LPIN1: variants seen among roughly 807,000 people sequenced by gnomAD.
LPIN1 encodes the protein lipin 1.
A neutral mutation model predicts 107.5 loss-of-function variants in LPIN1; 71 were observed. That is an observed-to-expected ratio of 0.66 (90% CI 0.55 to 0.80). The LOEUF (loss-of-function observed/expected upper bound fraction) is 0.80, where lower values mean the gene tolerates loss of function less well. LPIN1 is among the 30% of genes least tolerant of loss of function. The pLI, the probability that LPIN1 is intolerant of heterozygous loss-of-function variation, is 0.00. For missense variants in LPIN1, 1,043 were observed against 1,160.6 expected, an observed-to-expected ratio of 0.90 and a Z score of 1.47; for synonymous variants, 445 against 452.6, an observed-to-expected ratio of 0.98 and a Z score of 0.21.
upstream of LPIN1, among the ~76,000 whole-genome samples, chr2:11,722,974 C>A (rs1418774240): frequency 1.3e-5 from 2 of 152,188 alleles, no homozygotes; most frequent in Admixed American, 1.3e-4. Context: ...GTTACTAGAA[C>A]CTACTACCCT....
chr2:11,724,667 G>C lies in LPIN1; in HGVS notation c.-72+128G>C, dbSNP rs1320380395. On this transcript the variant is annotated intron_variant, in intron 1 of 21. Coordinates refer to the LPIN1 transcript ENST00000396097. Reference sequence around the variant, plus strand: ...GGTAAAGGGCAGGCAGGGAGGGTGGGGAATCACGATGCTTCCAGAGCTTCC... The same window carrying C: ...GGTAAAGGGCAGGCAGGGAGGGTGGCGAATCACGATGCTTCCAGAGCTTCC... 5 of 984,040 alleles carry C rather than the reference G, an allele frequency of 5.1e-6. No homozygotes were observed. The East Asian group carries it at 5.7e-4, about 112-fold the overall frequency. 61.0% of individuals were successfully genotyped at this position (984,040 alleles called of 1,614,324 possible).
chr2:11,749,774 C>T lies in LPIN1; in HGVS notation c.-10+3103C>T, dbSNP rs571198510. Among the ~76,000 whole-genome samples the T allele has an allele frequency of 6.6e-5, 10 of 152,344 alleles. No homozygotes were observed. In the East Asian group the frequency reaches 1.9e-3, roughly 29 times the overall value. ...AGGAACCAGATGGACTGGGCTCCAT[C>T]AGGAGAGAAGCCAGAAGCATTTTCA... On this transcript the variant is annotated intron_variant, in intron 1 of 20. Transcript: ENST00000674199.
chr2:11,750,604 A>G (rs1249474129), intron 1 of LPIN1, among the ~76,000 whole-genome samples: 1 of 152,224 alleles, frequency 6.6e-6, no homozygotes, highest in Non-Finnish European at 1.5e-5. Flanking sequence ...TGTGCTTTGA[A>G]AAGTACTTTA....
chr2:11,754,058 G>A lies in LPIN1; in HGVS notation c.-10+7387G>A, dbSNP rs1271247198. Among the ~76,000 whole-genome samples, 5 of 152,110 alleles carry A rather than the reference G, an allele frequency of 3.3e-5. No homozygotes were observed. In the East Asian group the frequency reaches 5.8e-4, roughly 18 times the overall value. On this transcript the variant is annotated intron_variant, in intron 1 of 20. Coordinates refer to ENST00000674199, the MANE Select transcript of LPIN1 (RefSeq NM_001349206.2). The stretch of plus-strand genomic sequence containing the variant: ...GCAGTGAGCAGGAAGCCCCAAAATC[G>A]TCCCTGTCAAGCCCAGCTGGGGAGC...
chr2:11,746,114 AG>A (rs1666877550), upstream of LPIN1: 1 of 152,628 alleles, frequency 6.6e-6, no homozygotes, highest in Non-Finnish European at 1.5e-5. Context: ...GATGAAGGAC[AG>A]GGGTGGCCCG....
intron 1 of LPIN1, among the ~76,000 whole-genome samples, chr2:11,709,304 T>G (rs541598314): frequency 5.9e-5 from 9 of 152,342 alleles, no homozygotes; most frequent in African/African-American, 2.2e-4. Flanking sequence ...AGATGCAGAA[T>G]TTTGGAGATG....
intron 1 of LPIN1, among the ~76,000 whole-genome samples, chr2:11,704,394 G>A (rs777946630): frequency 2.6e-5 from 4 of 152,170 alleles, no homozygotes; most frequent in African/African-American, 7.2e-5. Flanking sequence ...GGCCCCACCC[G>A]GGGGAGGCAG....
rs187579424 is a variant in LPIN1 at position 11,803,802 on chromosome 2, G to T, written c.2014-621G>T. Among the ~76,000 whole-genome samples the T allele has an allele frequency of 9.2e-5, 14 of 152,304 alleles. No individual in the cohort carries two copies. The East Asian group carries it at 2.5e-3, about 27-fold the overall frequency. Reference sequence around the variant, plus strand: ...GGGGGTCTGAATGGCCAGCTGGTGTGCACCAGGAGTCCTGGCACAGAGACT... The same window carrying T: ...GGGGGTCTGAATGGCCAGCTGGTGTTCACCAGGAGTCCTGGCACAGAGACT... On this transcript the variant is annotated intron_variant, in intron 15 of 20. Coordinates refer to ENST00000674199, the MANE Select transcript of LPIN1 (RefSeq NM_001349206.2). This position sits in a 1 kb window ranked among gnomAD's most constrained non-coding sequence, Gnocchi z 4.2.
At chr2:11,725,901 T>C (rs1051124202) in intron 1 of LPIN1, among the ~76,000 whole-genome samples, 2 of 152,310 alleles carry the variant, frequency 1.3e-5, no homozygotes, top group Non-Finnish European at 2.9e-5. Flanking sequence ...AAGAAGGACA[T>C]TTAAGAGATA....
intron 17 of LPIN1, among the ~76,000 whole-genome samples, chr2:11,814,878 G>A (rs569786169): frequency 2.6e-5 from 4 of 152,282 alleles, no homozygotes; most frequent in African/African-American, 9.6e-5. Flanking sequence ...AAACAAAGTG[G>A]GGAATGCAAA....
At chr2:11,760,175 A>G (rs978380956) in intron 1 of LPIN1, among the ~76,000 whole-genome samples, 46 of 149,188 alleles carry the variant, frequency 3.1e-4, no homozygotes, top group Admixed American at 2.0e-3. Context: ...GGCCGGGAAG[A>G]GGCACTCCTC....
chr2:11,805,708 C>A (rs1289628990), intron 17 of LPIN1, among the ~76,000 whole-genome samples: 1 of 152,214 alleles, frequency 6.6e-6, no homozygotes, highest in Admixed American at 6.5e-5. Context: ...TCCGACTGCT[C>A]TCCTGTGCTG....
chr2:11,801,520 G>A lies in LPIN1; in HGVS notation c.1887-1387G>A, dbSNP rs113712288. On this transcript the variant is annotated intron_variant, in intron 14 of 20. Coordinates refer to ENST00000674199, the MANE Select transcript of LPIN1 (RefSeq NM_001349206.2). Reference sequence around the variant, plus strand: ...CCAGGCACAGAAAGACAAATATCACGTGTTCTTACTCATATGTGGGAGCTA... The same window carrying A: ...CCAGGCACAGAAAGACAAATATCACATGTTCTTACTCATATGTGGGAGCTA... Among the ~76,000 whole-genome samples the A allele has an allele frequency of 5.1e-3, 781 of 152,272 alleles. 10 individuals carry two copies. The highest frequency in any genetic ancestry group is 0.017 in the African/African-American group (718 of 41,544).
chr2:11,754,495 G>A (rs1180297179), intron 1 of LPIN1, among the ~76,000 whole-genome samples: 1 of 152,220 alleles, frequency 6.6e-6, no homozygotes, highest in Non-Finnish European at 1.5e-5. Flanking sequence ...TTGTAGGGAA[G>A]GTTTTGAACA....
chr2:11,788,324 C>A, intron 11 of LPIN1, 63 bp from the exon 12 acceptor site: 1 of 1,277,208 alleles, frequency 7.8e-7, no homozygotes, highest in Non-Finnish European at 1.1e-6. Context: ...CTTTATATGA[C>A]ATTGGAAAGG....
chr2:11,698,389 G>T (rs1662693785), intron 1 of LPIN1, among the ~76,000 whole-genome samples: 1 of 152,186 alleles, frequency 6.6e-6, no homozygotes, highest in African/African-American at 2.4e-5. Context: ...TCTGTGACTG[G>T]CTGCCACGTC....
intron 20 of LPIN1, among the ~76,000 whole-genome samples, chr2:11,820,798 CAA>C (rs1681381345): frequency 6.6e-6 from 1 of 152,090 alleles, no homozygotes; most frequent in Admixed American, 6.5e-5. Flanking sequence ...TTAGATTTGC[CAA>C]GTTAGGTTTG....
In LPIN1 at chr2:11,825,160, G is replaced by A. The variant is rs191051281; in HGVS notation, c.*369G>A. 4.3e-4 allele frequency: 142 copies of A among 328,228 alleles called. No individual in the cohort carries two copies. The highest frequency in any genetic ancestry group is 2.6e-3 in the African/African-American group (123 of 47,098). The allele number at this position is 328,228 out of a possible 1,614,324, so 20.3% of individuals were successfully genotyped here. ...AGGCGGCTGTCTGAGGGCTGTCCCC[G>A]CCTAGGACAGGGTCAATCGAGGAAT... On this transcript the variant is annotated 3_prime_UTR_variant, in exon 21 of 21. Transcript: ENST00000674199. The surrounding 1 kb of genome is among the most constrained non-coding windows in gnomAD (Gnocchi z 4.1).
intron 17 of LPIN1, among the ~76,000 whole-genome samples, chr2:11,808,148 C>T (rs1313135730): frequency 2.0e-5 from 3 of 152,218 alleles, no homozygotes; most frequent in East Asian, 3.9e-4. Context: ...GCTCTGGTCT[C>T]TTCCCCGTCC....
Sources: allele counts gnomAD v4.1 joint callset (sites outside exome capture counted in the v4.1 genomes callset), GRCh38; gene constraint gnomAD v4.1.1; non-coding constraint Gnocchi (gnomAD v3.1); transcripts MANE v1.5; gene names NCBI Gene and HGNC (gene_info 2026-07-23, HGNC 2026-07-21).